ATXN2: variants seen among roughly 807,000 people sequenced by gnomAD.
ATXN2 encodes the protein ataxin 2.
In ATXN2, 37 loss-of-function variants were observed where a neutral mutation model predicts 138.6. The ratio of observed to expected loss-of-function variants is 0.27; its 90% CI spans 0.21 to 0.35. ATXN2 has a LOEUF of 0.35. Ranked by LOEUF, ATXN2 falls within the 10% of genes least tolerant of loss-of-function variation. The pLI, the probability that ATXN2 is intolerant of heterozygous loss-of-function variation, is 1.00. For missense variants in ATXN2, 1,216 were observed against 1,480.3 expected, an observed-to-expected ratio of 0.82 and a Z score of 2.93; for synonymous variants, 549 against 543.7, an observed-to-expected ratio of 1.01 and a Z score of -0.13.
intron 6 of ATXN2, among the ~76,000 whole-genome samples, chr12:111,521,746 G>A (rs1880167879): frequency 6.6e-6 from 1 of 152,148 alleles, no homozygotes; most frequent in Non-Finnish European, 1.5e-5. Context: ...TTCGCAAAAG[G>A]GAGGCTGCCT....
At position 111,578,716 on chromosome 12, in the gene ATXN2, A is replaced by G. The variant is rs143107241; in HGVS notation, c.251+20068T>C. On this transcript the variant is annotated intron_variant, in intron 1 of 24. Coordinates refer to ENST00000673436, the MANE Select transcript of ATXN2 (RefSeq NM_001372574.1). ...AAATAAACACATGAAAAAATGCTCAATATCACTGGGCATTAGGGAAATGCA... is the reference window on the plus strand; with the variant it reads ...AAATAAACACATGAAAAAATGCTCAGTATCACTGGGCATTAGGGAAATGCA... Among the ~76,000 whole-genome samples, 210 of 152,296 alleles carry G rather than the reference A, an allele frequency of 1.4e-3. 2 individuals carry two copies. The highest frequency in any genetic ancestry group is 1.3e-3 in the Non-Finnish European group (89 of 68,012).
chr12:111,455,814 A>G (rs373792891), intron 23 of ATXN2: 17 of 611,088 alleles, frequency 2.8e-5, no homozygotes, highest in East Asian at 2.5e-4. Flanking sequence ...CAGTTGGAAA[A>G]CTAAAGGACT....
At chr12:111,597,192 GT>G (rs1437209322) in intron 1 of ATXN2, among the ~76,000 whole-genome samples, 6 of 152,112 alleles carry the variant, frequency 3.9e-5, no homozygotes, top group Non-Finnish European at 8.8e-5. Context: ...ATAACCGACT[GT>G]TTCCGCCCCC....
At chr12:111,549,759 G>T (rs1200157309) in intron 5 of ATXN2, among the ~76,000 whole-genome samples, 4 of 152,108 alleles carry the variant, frequency 2.6e-5, no homozygotes, top group African/African-American at 9.7e-5. Flanking sequence ...CTAAACCACT[G>T]TAAGTTTTGA....
intron 14 of ATXN2, among the ~76,000 whole-genome samples, chr12:111,498,282 T>A (rs908384125): frequency 6.6e-6 from 1 of 152,162 alleles, no homozygotes; most frequent in African/African-American, 2.4e-5. Flanking sequence ...AGTCAAATTA[T>A]CCTTGTTTGC....
intron 23 of ATXN2, chr12:111,454,947 A>C: frequency 1.5e-6 from 1 of 674,038 alleles, no homozygotes; most frequent in Non-Finnish European, 2.7e-6. Context: ...CCTCCCCACT[A>C]TCAAAAAGCA....
intron 7 of ATXN2, among the ~76,000 whole-genome samples, chr12:111,520,349 T>A (rs1446042321): frequency 4.6e-5 from 7 of 152,164 alleles, no homozygotes; most frequent in African/African-American, 1.4e-4. Context: ...AGATATTTTT[T>A]AACAACTTAG....
At chr12:111,535,027 G>T (rs781740809) in intron 5 of ATXN2, among the ~76,000 whole-genome samples, 1 of 152,050 alleles carries the variant, frequency 6.6e-6, no homozygotes, top group Non-Finnish European at 1.5e-5. Context: ...GGTGGTGCAT[G>T]GGGAGGCTGA....
intron 5 of ATXN2, among the ~76,000 whole-genome samples, chr12:111,529,621 C>T (rs1313672195): frequency 6.6e-6 from 1 of 152,136 alleles, no homozygotes; most frequent in East Asian, 1.9e-4. Flanking sequence ...GTGATGCCAC[C>T]TGCTGGTGGT....
rs933713717 is a variant in ATXN2, at chr12:111,455,155, C to A, written c.3270+874G>T. 6 of 702,432 alleles carry A rather than the reference C, an allele frequency of 8.5e-6. No individual in the cohort carries two copies. In the African/African-American group the frequency reaches 1.0e-4, roughly 12 times the overall value. 43.5% of individuals were successfully genotyped at this position (702,432 alleles called of 1,614,324 possible). A position where few individuals can be genotyped will look rare whatever the true frequency, so the allele number is the denominator to read the frequency against. Reference sequence around the variant, plus strand: ...GGAAATGGAATTCATTGTGGCAGGTCTCACTTAGACCCGCCTCAGAGAGTT... The same window carrying A: ...GGAAATGGAATTCATTGTGGCAGGTATCACTTAGACCCGCCTCAGAGAGTT... On this transcript the variant is annotated intron_variant, in intron 23 of 24. Transcript: ENST00000673436.
chr12:111,546,507 G>C (rs1346054726), intron 5 of ATXN2, among the ~76,000 whole-genome samples: 1 of 152,122 alleles, frequency 6.6e-6, no homozygotes, highest in African/African-American at 2.4e-5. Flanking sequence ...TATCATCTAG[G>C]CTGAGAATAC....
intron 19 of ATXN2, 115 bp from the exon 20 acceptor site, chr12:111,470,355 T>C: frequency 7.5e-7 from 1 of 1,328,646 alleles, no homozygotes; most frequent in South Asian, 1.5e-5. Context: ...AGCTGTAAAC[T>C]CTCAAATCTT....
intron 14 of ATXN2, among the ~76,000 whole-genome samples, chr12:111,508,922 G>C (rs1252664712): frequency 1.3e-5 from 2 of 152,130 alleles, no homozygotes; most frequent in Non-Finnish European, 2.9e-5. Context: ...TTTGCCTTTG[G>C]TTCACTCATC....
rs777413912 is a variant in ATXN2, at chr12:111,488,466, G to C, written c.2240+10C>G. ...AGTAACAGGATGGTCTAAGTTCCAG[G>C]TTTACTCACTCAGCTGCGTCTTTCT... is the stretch of plus-strand genomic sequence containing the variant. On this transcript the variant is annotated intron_variant, in intron 15 of 24. Transcript: ENST00000673436. 1.3e-6 allele frequency: 2 copies of C among 1,598,224 alleles called. No homozygotes were observed. The highest frequency in any genetic ancestry group is 3.5e-5 in the Admixed American group (2 of 56,940).
intron 11 of ATXN2, chr12:111,511,880 A>G (rs1292004381): frequency 6.6e-6 from 1 of 152,248 alleles, no homozygotes; most frequent in African/African-American, 2.4e-5. Flanking sequence ...AATGTGCATC[A>G]CATGAAGCTG....
intron 21 of ATXN2, among the ~76,000 whole-genome samples, chr12:111,460,226 C>T (rs1000401899): frequency 2.6e-5 from 4 of 151,844 alleles, no homozygotes; most frequent in Non-Finnish European, 4.4e-5. Flanking sequence ...GGACTACAGG[C>T]GCGCCTGGCT....
chr12:111,513,175 T>C, intron 11 of ATXN2, 182 bp downstream of exon 11: 1 of 634,372 alleles, frequency 1.6e-6, no homozygotes, highest in Non-Finnish European at 2.5e-6. Context: ...TGACTTGCTT[T>C]AATATATGAT....
chr12:111,599,389 GCCGCCCCGC>G (rs887186040), upstream of ATXN2: 67 of 1,157,700 alleles, frequency 5.8e-5, 1 homozygote, highest in Non-Finnish European at 6.7e-5. Flanking sequence ...CCGCGCCACC[GCCGCCCCGC>G]CCGCTCCGCC....
intron 14 of ATXN2, among the ~76,000 whole-genome samples, chr12:111,507,758 T>C (rs974117799): frequency 6.6e-6 from 1 of 152,244 alleles, no homozygotes; most frequent in Non-Finnish European, 1.5e-5. Context: ...ATCGGATGGT[T>C]GCTGCGTCTG....
Sources: allele counts gnomAD v4.1 joint callset (sites outside exome capture counted in the v4.1 genomes callset), GRCh38; gene constraint gnomAD v4.1.1; transcripts MANE v1.5; gene names NCBI Gene and HGNC (gene_info 2026-07-23, HGNC 2026-07-21).